HEATR5B: variants seen among roughly 807,000 people sequenced by gnomAD.
HEATR5B encodes HEAT repeat-containing protein 5B.
A neutral mutation model predicts 224.1 loss-of-function variants in HEATR5B; 156 were observed. That is an observed-to-expected ratio of 0.70 (90% confidence interval 0.61 to 0.80). HEATR5B has a LOEUF of 0.80. Ranked by LOEUF, HEATR5B falls within the 30% of genes least tolerant of loss-of-function variation. The pLI is 0.00. For missense variants in HEATR5B, 2,323 were observed against 2,535.5 expected (o/e 0.92, Z 1.80); for synonymous variants, 1,027 against 893.0 (o/e 1.15, Z -2.68).
intron 2 of HEATR5B, among the ~76,000 whole-genome samples, chr2:37,080,811 T>G (rs1572956734): frequency 6.7e-6 from 1 of 148,934 alleles, no homozygotes; most frequent in South Asian, 2.1e-4. Context: ...GAGGAAGAGT[T>G]AAAAAAGAAC....
In HEATR5B at chr2:36,988,514, C is replaced by T. The variant is rs1666100660; in HGVS notation, c.5911+132G>A. 5.9e-6 allele frequency: 4 copies of T among 674,550 alleles called. No individual in the cohort carries two copies. The African/African-American group carries it at 7.3e-5, about 12-fold the overall frequency. The allele number at this position is 674,550 out of a possible 1,614,324, so 41.8% of individuals were successfully genotyped here. A position where few individuals can be genotyped will look rare whatever the true frequency, so the allele number is the denominator to read the frequency against. On this transcript the variant is annotated intron_variant, in intron 35 of 35. Transcript: ENST00000233099. ...TGACCTCGTGATCCACCCACCTTGG[C>T]CTCCCAGAGTGCTGGGACTCCCAAA...
At chr2:37,060,792 G>T in intron 11 of HEATR5B, 59 bp from the exon 12 acceptor site, 1 of 1,445,950 alleles carries the variant, frequency 6.9e-7, no homozygotes, top group Non-Finnish European at 9.4e-7. Context: ...ACAAACAAGT[G>T]TCAAGCAAAA....
chr2:36,990,786 A>G lies in HEATR5B; in HGVS notation c.5559T>C (p.Pro1853=). The change falls in exon 34 of 36, where the codon CCT becomes CCC. Residue 1853 remains proline (P), a synonymous_variant. Transcript: ENST00000233099. ...LEYSQPEDSV[P]TPDEVSMLTA... ...TTAGCATGCTTACTTCATCAGGTGT[A>G]GGTACAGAGTCTTCTGAAAATGAAA... is the stretch of plus-strand genomic sequence containing the variant. The G allele has an allele frequency of 1.3e-6, 2 of 1,592,648 alleles. No individual in the cohort carries two copies. The highest frequency in any genetic ancestry group is 1.7e-6 in the Non-Finnish European group (2 of 1,170,218).
intron 11 of HEATR5B, among the ~76,000 whole-genome samples, chr2:37,061,490 G>A (rs886226995): frequency 6.6e-6 from 1 of 152,132 alleles, no homozygotes; most frequent in Non-Finnish European, 1.5e-5. Context: ...TTTGTACTAT[G>A]TACAATGTTA....
intron 12 of HEATR5B, 81 bp from the exon 13 acceptor site, chr2:37,059,068 G>C: frequency 1.2e-6 from 1 of 857,740 alleles, no homozygotes; most frequent in South Asian, 2.0e-5. Flanking sequence ...TAAATATAAA[G>C]GCAGTTGTAA....
In HEATR5B at chr2:37,018,333, G is replaced by A. The variant is rs543778020; in HGVS notation, c.4104+1476C>T. 2.0e-4 allele frequency among the ~76,000 whole-genome samples: 31 copies of A among 152,302 alleles called. No homozygotes were observed. In the South Asian group the frequency reaches 6.4e-3, roughly 32 times the overall value. ...AGGAGATTTTGTCTGCTTAAATGCT[G>A]TGCTCTGAAACGTCATCATGATACA... On this transcript the variant is annotated intron_variant, in intron 26 of 35. Coordinates refer to ENST00000233099, the MANE Select transcript of HEATR5B (RefSeq NM_019024.3).
chr2:37,002,549 C>T lies in HEATR5B; in HGVS notation c.5074G>A (p.Ala1692Thr). The change falls in exon 32 of 36, where the codon GCC becomes ACC. Residue 1692 changes from alanine to threonine, a missense_variant. Physicochemically the swap from Ala to Thr is moderately conservative, Grantham distance 58. This residue lies in a region of HEATR5B where 844 missense variants were observed against 812.9 expected (regional missense o/e 1.04). Coordinates refer to ENST00000233099, the MANE Select transcript of HEATR5B (RefSeq NM_019024.3). ...CCTCCTTCTCCCAATACGGTACAGG[C>T]CTCTTTTTCCATATCATCTTCATCT... ...TLNEDDMEKE[A>T]CTVLGEGGDS... 6.2e-7 allele frequency: 1 copy of T among 1,613,998 alleles called. No individual in the cohort carries two copies. Among genetic ancestry groups the T allele is most frequent in the South Asian group, 1.1e-5 (1 of 91,058 alleles).
rs1666771358 is a variant in HEATR5B, at chr2:36,997,106, T to C, written c.5545+3480A>G. Among the ~76,000 whole-genome samples the C allele has an allele frequency of 2.7e-5, 4 of 147,154 alleles. No individual in the cohort carries two copies. The South Asian group carries it at 8.4e-4, about 31-fold the overall frequency. ...AATGATATCAACACAGACATAAATA[T>C]TATTGTCAGTTTTTCAGCTGTCTTT... On this transcript the variant is annotated intron_variant, in intron 33 of 35. Coordinates refer to ENST00000233099, the MANE Select transcript of HEATR5B (RefSeq NM_019024.3).
At chr2:37,064,016 G>A (rs1391794191) in intron 10 of HEATR5B, among the ~76,000 whole-genome samples, 1 of 152,068 alleles carries the variant, frequency 6.6e-6, no homozygotes, top group African/African-American at 2.4e-5. Context: ...GTTTCACCAT[G>A]TTAACCAGGC....
intron 5 of HEATR5B, among the ~76,000 whole-genome samples, chr2:37,074,499 C>T (rs772291575): frequency 2.0e-5 from 3 of 151,960 alleles, no homozygotes; most frequent in South Asian, 2.1e-4. Context: ...CCCTGGTTTA[C>T]GAAATGTTTC....
In HEATR5B at chr2:37,014,040, A is replaced by T; in HGVS notation, c.4105-20T>A. ...ACATACCTAGACAAAGAGAATTCAA[A>T]AACTTTTGTGTAAAAAAAATTAATG... On this transcript the variant is annotated intron_variant, in intron 26 of 35. Transcript: ENST00000233099. The T allele has an allele frequency of 6.9e-7, 1 of 1,446,580 alleles. No individual in the cohort carries two copies. Among genetic ancestry groups the T allele is most frequent in the Non-Finnish European group, 9.3e-7 (1 of 1,079,060 alleles). The allele number at this position is 1,446,580 out of a possible 1,614,324, so 89.6% of individuals were successfully genotyped here.
intron 27 of HEATR5B, 41 bp downstream of exon 27, chr2:37,013,800 A>C: frequency 6.8e-7 from 1 of 1,474,916 alleles, no homozygotes; most frequent in Non-Finnish European, 9.1e-7. Flanking sequence ...TCATGGATGA[A>C]GAAATGGGTC....
chr2:37,021,905 A>AT (rs1238338138), intron 24 of HEATR5B, among the ~76,000 whole-genome samples: 1 of 131,442 alleles, frequency 7.6e-6, no homozygotes, highest in Non-Finnish European at 1.6e-5. Flanking sequence ...AAAAAAAAAA[A>AT]TTTACTGAGG....
At chr2:37,069,043 A>C in intron 7 of HEATR5B, 113 bp from the exon 8 acceptor site, 1 of 1,091,902 alleles carries the variant, frequency 9.2e-7, no homozygotes, top group Non-Finnish European at 1.3e-6. Flanking sequence ...ATTGTATTTG[A>C]GGCTAAAACA....
intron 16 of HEATR5B, chr2:37,055,028 G>A: frequency 2.9e-6 from 1 of 342,336 alleles, no homozygotes; most frequent in Non-Finnish European, 6.0e-6. Context: ...AGATGTACGT[G>A]TATACATGCA....
At chr2:37,046,551 A>G (rs1281998455) in intron 18 of HEATR5B, among the ~76,000 whole-genome samples, 2 of 151,558 alleles carry the variant, frequency 1.3e-5, no homozygotes, top group Non-Finnish European at 2.9e-5. Flanking sequence ...AGGCACAAGA[A>G]TCACTTGAAC....
intron 22 of HEATR5B, 134 bp downstream of exon 22, chr2:37,032,495 T>C (rs1669194515): frequency 3.6e-6 from 3 of 835,184 alleles, no homozygotes; most frequent in Admixed American, 6.1e-5. Flanking sequence ...ATTTTAAAAG[T>C]GGTAATGGTT....
chr2:37,069,645 C>G (rs1671787566), intron 7 of HEATR5B, among the ~76,000 whole-genome samples: 1 of 152,104 alleles, frequency 6.6e-6, no homozygotes, highest in Non-Finnish European at 1.5e-5. Context: ...TACTTTATAT[C>G]TGATTTTCTG....
At chr2:37,044,946 T>A (rs573715386) in intron 18 of HEATR5B, among the ~76,000 whole-genome samples, 2 of 152,324 alleles carry the variant, frequency 1.3e-5, no homozygotes, top group African/African-American at 4.8e-5. Flanking sequence ...TAAGCTGGTG[T>A]AAGATGTCAA....
Sources: allele counts gnomAD v4.1 joint callset (sites outside exome capture counted in the v4.1 genomes callset), GRCh38; gene constraint gnomAD v4.1.1; regional missense constraint gnomAD v4.1.1; transcripts MANE v1.5; gene names NCBI Gene and HGNC (gene_info 2026-07-23, HGNC 2026-07-21).